GTF2IRD1: variants seen among roughly 807,000 people sequenced by gnomAD.
GTF2IRD1 encodes the protein general transcription factor II-I repeat domain-containing protein 1.
A neutral mutation model predicts 113.2 loss-of-function variants in GTF2IRD1; 26 were observed. The ratio of observed to expected loss-of-function variants is 0.23; its 90% CI spans 0.17 to 0.32. GTF2IRD1 has a LOEUF of 0.32. Ranked by LOEUF, GTF2IRD1 falls within the 10% of genes least tolerant of loss-of-function variation. The pLI, the probability that GTF2IRD1 is intolerant of heterozygous loss-of-function variation, is 1.00. For synonymous variants in GTF2IRD1, 484 were observed against 529.1 expected (o/e 0.91, Z 1.17); for missense variants, 864 against 1,280.8 (o/e 0.67, Z 4.97).
rs376490958 is a variant in GTF2IRD1, at chr7:74,536,305, C to G, written c.1409+30C>G. On this transcript the variant is annotated intron_variant, in intron 11 of 26. Transcript: ENST00000424337. Reference sequence around the variant, plus strand: ...GGCCCCGCCCCTGGCCCCGGAGGCCCGCGGCCAGCCCTGCTCTGGGCTGAG... The same window carrying G: ...GGCCCCGCCCCTGGCCCCGGAGGCCGGCGGCCAGCCCTGCTCTGGGCTGAG... 5.0e-6 allele frequency: 7 copies of G among 1,412,044 alleles called. No individual in the cohort carries two copies. The African/African-American group carries it at 9.9e-5, about 20-fold the overall frequency. The allele number at this position is 1,412,044 out of a possible 1,614,324, so 87.5% of individuals were successfully genotyped here.
chr7:74,565,034 A>T (rs1800208670), intron 22 of GTF2IRD1, among the ~76,000 whole-genome samples: 1 of 139,742 alleles, frequency 7.2e-6, no homozygotes, highest in Non-Finnish European at 1.5e-5. Context: ...ACTGGAGGGG[A>T]CCTGGTGGGG....
chr7:74,466,847 G>T (rs1446818756), intron 1 of GTF2IRD1, among the ~76,000 whole-genome samples: 4 of 152,022 alleles, frequency 2.6e-5, no homozygotes, highest in African/African-American at 9.7e-5. Flanking sequence ...TTAGCACCCT[G>T]CCTGTTGCGG....
chr7:74,555,259 G>A lies in GTF2IRD1; in HGVS notation c.1966+36G>A, dbSNP rs373261605. 35 of 1,587,498 alleles carry A rather than the reference G, an allele frequency of 2.2e-5. No homozygotes were observed. The highest frequency in any genetic ancestry group is 2.8e-5 in the Non-Finnish European group (32 of 1,157,812). On this transcript the variant is annotated intron_variant, in intron 18 of 26. Coordinates refer to ENST00000424337, the MANE Select transcript of GTF2IRD1 (RefSeq NM_005685.4). The surrounding 1 kb of genome is among the most constrained non-coding windows in gnomAD (Gnocchi z 5.3). Reference sequence around the variant, plus strand: ...CGGGGTCGGGAGCCATGGTGTGGGCGGGCAAGGGAGGGCCCCAGGCCTCTG... The same window carrying A: ...CGGGGTCGGGAGCCATGGTGTGGGCAGGCAAGGGAGGGCCCCAGGCCTCTG...
chr7:74,537,243 C>T (rs1282593642), intron 11 of GTF2IRD1, among the ~76,000 whole-genome samples: 2 of 152,098 alleles, frequency 1.3e-5, no homozygotes, highest in African/African-American at 4.8e-5. Flanking sequence ...AACCCCGTCT[C>T]TACTAAAAAT....
intron 1 of GTF2IRD1, among the ~76,000 whole-genome samples, chr7:74,460,417 A>AT (rs59643542): frequency 0.51 from 75,493 of 148,178 alleles, 19,317 homozygotes; most frequent in East Asian, 0.75. Flanking sequence ...TTAAAAAAAA[A>AT]TTTTTTTTTT....
At chr7:74,548,145 C>T (rs761407842) in intron 17 of GTF2IRD1, among the ~76,000 whole-genome samples, 3 of 152,082 alleles carry the variant, frequency 2.0e-5, no homozygotes, top group Admixed American at 6.5e-5. Context: ...GGCCCGGGCG[C>T]GGTGGCTCAC....
intron 9 of GTF2IRD1, among the ~76,000 whole-genome samples, chr7:74,530,256 G>A (rs779468713): frequency 2.0e-5 from 3 of 152,046 alleles, no homozygotes; most frequent in South Asian, 4.2e-4. Flanking sequence ...CTTCTGCTCC[G>A]GGCTTGGCTT....
rs782300227 is a variant in GTF2IRD1 at position 74,508,100 on chromosome 7, G to A, written c.20G>A (p.Arg7His). MALLGK[R>H]CDVPTNGCGP... ...GCGACCATGGCCTTGCTGGGTAAGC[G>A]CTGTGACGTCCCCACCAACGGCTGC... Residue 7 changes from arginine (R) to histidine (H), a missense_variant, in exon 2 of 27, where the codon CGC (arginine) becomes CAC (histidine). Physicochemically the swap from Arg to His is conservative, Grantham distance 29. Around this residue, in one of 7 missense-constraint regions of GTF2IRD1, gnomAD observed 182 missense variants for 266.6 expected, o/e 0.68. Transcript: ENST00000424337. The A allele has an allele frequency of 1.1e-5, 18 of 1,608,936 alleles. No individual in the cohort carries two copies. The highest frequency in any genetic ancestry group is 1.6e-4 in the Middle Eastern group (1 of 6,080).
intron 1 of GTF2IRD1, among the ~76,000 whole-genome samples, chr7:74,477,683 G>A (rs1279018739): frequency 6.6e-6 from 1 of 152,086 alleles, no homozygotes; most frequent in African/African-American, 2.4e-5. Flanking sequence ...GGCATAGCCT[G>A]CCCTGGGACA....
At chr7:74,563,472 G>A (rs13226557) in intron 22 of GTF2IRD1, among the ~76,000 whole-genome samples, 1 of 152,052 alleles carries the variant, frequency 6.6e-6, no homozygotes, top group African/African-American at 2.4e-5. Context: ...AGCTACTCGG[G>A]AGGCTGAGGC....
At chr7:74,524,779 C>A (rs1797504107) in intron 8 of GTF2IRD1, among the ~76,000 whole-genome samples, 2 of 152,172 alleles carry the variant, frequency 1.3e-5, no homozygotes, top group African/African-American at 2.4e-5. Flanking sequence ...GCACCAGAAT[C>A]ACTGGAACCT....
chr7:74,534,888 G>A (rs782683912), intron 9 of GTF2IRD1, among the ~76,000 whole-genome samples: 7 of 152,120 alleles, frequency 4.6e-5, no homozygotes, highest in Non-Finnish European at 7.4e-5. Context: ...GGGCGACAAA[G>A]TGAGACTCTG....
At chr7:74,492,016 TG>T in intron 1 of GTF2IRD1, among the ~76,000 whole-genome samples, 1 of 144,248 alleles carries the variant, frequency 6.9e-6, no homozygotes, top group East Asian at 2.3e-4. Flanking sequence ...TTTTTGTTTT[TG>T]TTTTGAGACG....
rs1372794055 is a variant in GTF2IRD1 at position 74,525,279 on chromosome 7, TG to T, written c.1090+1128del. ...CTAGGAAGCCTTTGGGTCCCCAGCC[TG>T]GGCCAGGTAGGCCTGGGTACCCTGA... On this transcript the variant is annotated intron_variant, in intron 8 of 26. Transcript: ENST00000424337. Among the ~76,000 whole-genome samples, 4 of 152,312 alleles carry T rather than the reference TG, an allele frequency of 2.6e-5. No homozygotes were observed. The South Asian group carries it at 8.3e-4, about 32-fold the overall frequency.
intron 9 of GTF2IRD1, among the ~76,000 whole-genome samples, chr7:74,532,489 G>GGCTGCAGTGAGCTATGATCACGCC (rs1798018127): frequency 2.0e-5 from 3 of 152,204 alleles, no homozygotes; most frequent in African/African-American, 7.2e-5. Flanking sequence ...AGGAATTGGA[G>GGCTGCAGTGAGCTATGATCACGCC]GCTGCAGTGA....
chr7:74,476,404 G>A (rs991319628), intron 1 of GTF2IRD1, among the ~76,000 whole-genome samples: 2 of 122,620 alleles, frequency 1.6e-5, no homozygotes, highest in Non-Finnish European at 3.2e-5. Context: ...TCACTCTGTC[G>A]CCCAGGCTGG....
chr7:74,507,405 G>A (rs1024028133), intron 1 of GTF2IRD1: 1 of 152,184 alleles, frequency 6.6e-6, no homozygotes, highest in Non-Finnish European at 1.5e-5. Context: ...CCAGGAAGGG[G>A]AGGTTGCAGT....
chr7:74,563,597 G>A (rs587775574), intron 22 of GTF2IRD1, among the ~76,000 whole-genome samples: 1 of 149,652 alleles, frequency 6.7e-6, no homozygotes, highest in East Asian at 2.0e-4. Context: ...AAAAAAGAAT[G>A]GCTCTAAACC....
At chr7:74,499,019 C>G (rs1180979912) in intron 1 of GTF2IRD1, among the ~76,000 whole-genome samples, 1 of 152,248 alleles carries the variant, frequency 6.6e-6, no homozygotes, top group African/African-American at 2.4e-5. Context: ...CATGAGCCAT[C>G]GCACCCAGCC....
Sources: allele counts gnomAD v4.1 joint callset (sites outside exome capture counted in the v4.1 genomes callset), GRCh38; gene constraint gnomAD v4.1.1; regional missense constraint gnomAD v4.1.1; non-coding constraint Gnocchi (gnomAD v3.1); transcripts MANE v1.5; gene names NCBI Gene and HGNC (gene_info 2026-07-23, HGNC 2026-07-21).